GLIS3: variants seen among roughly 807,000 people sequenced by gnomAD.
The protein encoded by GLIS3 is GLIS family zinc finger 3.
A neutral mutation model predicts 78.6 loss-of-function variants in GLIS3; 53 were observed. The ratio of observed to expected loss-of-function variants is 0.67; its 90% CI spans 0.54 to 0.85. GLIS3 has a LOEUF of 0.85. Among genes scored for constraint, GLIS3 ranks in the 40% least tolerant of loss-of-function variants. GLIS3 has a pLI of 0.00. For missense variants in GLIS3, 1,703 were observed against 1,231.1 expected, an observed-to-expected ratio of 1.38 and a Z score of -5.74; for synonymous variants, 684 against 509.9, an observed-to-expected ratio of 1.34 and a Z score of -4.60.
intron 4 of GLIS3, among the ~76,000 whole-genome samples, chr9:4,115,443 G>T (rs541680606): frequency 2.0e-5 from 3 of 152,240 alleles, no homozygotes; most frequent in Non-Finnish European, 4.4e-5. Context: ...CATTTTAATT[G>T]TAACAGTTGT....
chr9:4,327,461 G>C (rs1302335857), intron 2 of GLIS3, among the ~76,000 whole-genome samples: 1 of 152,130 alleles, frequency 6.6e-6, no homozygotes, highest in African/African-American at 2.4e-5. Flanking sequence ...AAGGAGGGTG[G>C]AGGGTGCACT....
At chr9:3,842,696 C>T (rs1818798425) in intron 9 of GLIS3, among the ~76,000 whole-genome samples, 1 of 152,148 alleles carries the variant, frequency 6.6e-6, no homozygotes, top group African/African-American at 2.4e-5. Context: ...AGCTCTACGG[C>T]CGACTCTGGA....
At chr9:4,386,018 C>T in the GLIS3 span, among the ~76,000 whole-genome samples, 1 of 152,170 alleles carries the variant, frequency 6.6e-6, no homozygotes, top group African/African-American at 2.4e-5. Flanking sequence ...GGCATCTTTG[C>T]TGCCTCATCA....
At chr9:4,098,177 C>G (rs1448662157) in intron 4 of GLIS3, among the ~76,000 whole-genome samples, 1 of 152,154 alleles carries the variant, frequency 6.6e-6, no homozygotes, top group Non-Finnish European at 1.5e-5. Context: ...CAGAAGAATT[C>G]ACTTTCGAAA....
In GLIS3 at chr9:3,932,367, C is replaced by T; in HGVS notation, c.1976G>A (p.Arg659Lys). The T allele has an allele frequency of 6.2e-7, 1 of 1,612,076 alleles. No homozygotes were observed. Among genetic ancestry groups the T allele is most frequent in the Non-Finnish European group, 8.5e-7 (1 of 1,178,190 alleles). ...ATTCTCTTTTAAAATTACCTTTTTC[C>T]TTGCTTGTTGCTCTTTGGAAGAATG... ...KAHSSKEQQARKKLRSSTELH... is the reference protein window; with the variant it reads ...KAHSSKEQQAKKKLRSSTELH... The change falls in exon 6 of 11, where the codon AGG becomes AAG. Residue 659 changes from arginine (R) to lysine (K), a missense_variant. Transcript: ENST00000381971.
chr9:4,471,429 C>G, the GLIS3 span, among the ~76,000 whole-genome samples: 1 of 152,098 alleles, frequency 6.6e-6, no homozygotes, highest in Non-Finnish European at 1.5e-5. Flanking sequence ...TGGAACAGAA[C>G]AGAGCCCTCA....
chr9:4,322,406 A>T (rs547119607), intron 2 of GLIS3, among the ~76,000 whole-genome samples: 2 of 152,148 alleles, frequency 1.3e-5, no homozygotes, highest in Non-Finnish European at 2.9e-5. Flanking sequence ...AGGATTGGGT[A>T]TATTACTCAA....
At chr9:3,947,032 C>T (rs547860776) in intron 4 of GLIS3, among the ~76,000 whole-genome samples, 204 of 147,024 alleles carry the variant, frequency 1.4e-3, no homozygotes, top group African/African-American at 4.8e-3. Context: ...ACGCCTCTGT[C>T]GGCCATCCTA....
rs551760322 is a variant in GLIS3 at position 4,225,699 on chromosome 9, A to C, written c.388+60339T>G. The stretch of plus-strand genomic sequence containing the variant: ...CTAAGGGAAAGAATCATGAAGTTCA[A>C]ACCATATTAATTTCCAAGTCATTGA... On this transcript the variant is annotated intron_variant, in intron 2 of 10. Coordinates refer to ENST00000381971, the MANE Select transcript of GLIS3 (RefSeq NM_001042413.2). Among the ~76,000 whole-genome samples the C allele has an allele frequency of 5.1e-4, 78 of 152,184 alleles. 1 individual carries two copies. The highest frequency in any genetic ancestry group is 9.6e-4 in the Non-Finnish European group (65 of 68,018).
At chr9:4,364,755 G>GTTTTTTTT in the GLIS3 span, among the ~76,000 whole-genome samples, 1 of 15,492 alleles carries the variant, frequency 6.5e-5, no homozygotes, top group East Asian at 3.7e-3. Context: ...ATCATGTATT[G>GTTTTTTTT]CTTTTTTTTT....
At chr9:3,865,433 A>G (rs117933885) in intron 8 of GLIS3, among the ~76,000 whole-genome samples, 1 of 152,324 alleles carries the variant, frequency 6.6e-6, no homozygotes, top group Non-Finnish European at 1.5e-5. Flanking sequence ...AGCACTTTGG[A>G]ATATGTGGAT....
chr9:4,304,349 C>T (rs1403694112), upstream of GLIS3, among the ~76,000 whole-genome samples: 1 of 152,250 alleles, frequency 6.6e-6, no homozygotes, highest in South Asian at 2.1e-4. Context: ...GCTTTCTGTA[C>T]CCCTAGGCTT....
intron 2 of GLIS3, among the ~76,000 whole-genome samples, chr9:4,238,391 G>A (rs1433999942): frequency 6.6e-6 from 1 of 152,166 alleles, no homozygotes; most frequent in Non-Finnish European, 1.5e-5. Context: ...ATTTGAGAAT[G>A]AGAGAGTCTA....
chr9:3,911,590 C>G (rs1824159121), intron 6 of GLIS3, among the ~76,000 whole-genome samples: 1 of 152,176 alleles, frequency 6.6e-6, no homozygotes, highest in African/African-American at 2.4e-5. Flanking sequence ...ATAGCCTATC[C>G]ACAATATGGA....
the GLIS3 span, among the ~76,000 whole-genome samples, chr9:4,389,186 G>C: frequency 3.4e-4 from 52 of 152,310 alleles, no homozygotes; most frequent in African/African-American, 1.2e-3. Flanking sequence ...GAGGCTAAGA[G>C]CAATTCAGTA....
intron 1 of GLIS3, among the ~76,000 whole-genome samples, chr9:4,297,675 C>A (rs1816668356): frequency 6.6e-6 from 1 of 152,156 alleles, no homozygotes; most frequent in African/African-American, 2.4e-5. Context: ...GAAGCACCTC[C>A]CTACCCCTTC....
chr9:4,261,923 G>A (rs1318521091), intron 2 of GLIS3, among the ~76,000 whole-genome samples: 2 of 152,162 alleles, frequency 1.3e-5, no homozygotes, highest in African/African-American at 4.8e-5. Flanking sequence ...CTGTAATACT[G>A]TCTCCAAAGA....
At chr9:4,008,036 C>G (rs1821702360) in intron 4 of GLIS3, among the ~76,000 whole-genome samples, 1 of 152,122 alleles carries the variant, frequency 6.6e-6, no homozygotes, top group Admixed American at 6.5e-5. Flanking sequence ...TAAGCTCCCC[C>G]TGGCCTGAAG....
the GLIS3 span, among the ~76,000 whole-genome samples, chr9:4,485,279 T>C: frequency 6.6e-6 from 1 of 152,006 alleles, no homozygotes; most frequent in African/African-American, 2.4e-5. Flanking sequence ...CCTCCCAAAG[T>C]GCTGGGATTA....
Sources: allele counts gnomAD v4.1 joint callset (sites outside exome capture counted in the v4.1 genomes callset), GRCh38; gene constraint gnomAD v4.1.1; transcripts MANE v1.5; gene names NCBI Gene and HGNC (gene_info 2026-07-23, HGNC 2026-07-21).